Variants in CARD14 observed in about 807,000 individuals in gnomAD.
CARD14 encodes caspase recruitment domain-containing protein 14.
Under a neutral mutation model 111.5 loss-of-function variants are expected in CARD14, and 107 were observed. The ratio of observed to expected loss-of-function variants is 0.96; its 90% CI spans 0.82 to 1.13. The LOEUF is 1.13. Ranked by LOEUF, CARD14 falls within the 50% of genes most tolerant of loss-of-function variation. The pLI is 0.00. For missense variants in CARD14, 1,322 were observed against 1,362.3 expected, an observed-to-expected ratio of 0.97 and a Z score of 0.47; for synonymous variants, 617 against 579.6, an observed-to-expected ratio of 1.06 and a Z score of -0.93.
At chr17:80,205,302 C>T in intron 21 of CARD14, 97 bp downstream of exon 21, 1 of 1,219,882 alleles carries the variant, frequency 8.2e-7, no homozygotes, top group Non-Finnish European at 1.2e-6. Context: ...CTCCTCCTTC[C>T]CTCCCCCACC....
intron 2 of CARD14, among the ~76,000 whole-genome samples, chr17:80,177,267 C>T (rs1008972524): frequency 3.9e-5 from 6 of 151,906 alleles, no homozygotes; most frequent in Admixed American, 6.6e-5. Context: ...CTTGCTCTGT[C>T]GTCCAGGCTG....
intron 1 of CARD14, among the ~76,000 whole-genome samples, chr17:80,172,093 A>G (rs1189234249): frequency 6.6e-6 from 1 of 152,248 alleles, no homozygotes; most frequent in African/African-American, 2.4e-5. Context: ...ATAGTAAGAT[A>G]CTGGAGAGCG....
At position 80,181,551 on chromosome 17, in the gene CARD14, G is replaced by A. The variant is rs371643272; in HGVS notation, c.113G>A (p.Arg38His). Reference sequence around the variant, plus strand: ...ATCGTACGCTGCATCTGCCCCAGCCGCCTCACCCCCTACCTGCGCCAGGCC... The same window carrying A: ...ATCGTACGCTGCATCTGCCCCAGCCACCTCACCCCCTACCTGCGCCAGGCC... The part of the protein sequence containing the change: ...HRIVRCICPS[R>H]LTPYLRQAKV... The change falls in exon 5 of 24, where the codon CGC (arginine) becomes CAC (histidine). Residue 38 changes from arginine to histidine, a missense_variant. Arg to His is a conservative substitution (Grantham distance 29, BLOSUM62 0). Transcript: ENST00000648509. 13 of 1,573,038 alleles carry A rather than the reference G, an allele frequency of 8.3e-6. No homozygotes were observed. Among genetic ancestry groups the A allele is most frequent in the African/African-American group, 2.7e-5 (2 of 73,896 alleles).
intron 20 of CARD14, chr17:80,204,572 C>T (rs2041173070): frequency 6.9e-6 from 3 of 432,724 alleles, no homozygotes; most frequent in South Asian, 3.6e-5. Flanking sequence ...GGCAGTGAGC[C>T]GAGATGGTGC....
Position 80,193,948 on chromosome 17 carries a change from T to G in CARD14, c.1357-1243T>G, listed in dbSNP as rs114664907. ...GGTCAGGGAGGGAAGGGACCTCAGG[T>G]GCTCAGAACTGGCTCGCCAGAACAC... On this transcript the variant is annotated intron_variant, in intron 12 of 23. Transcript: ENST00000648509. Among the ~76,000 whole-genome samples the G allele has an allele frequency of 8.5e-3, 1,286 of 152,186 alleles. 18 individuals carry two copies. The highest frequency in any genetic ancestry group is 0.029 in the African/African-American group (1,203 of 41,484).
Position 80,182,439 on chromosome 17 carries a change from A to C in CARD14, c.212-214A>C, listed in dbSNP as rs1311825125. Among the ~76,000 whole-genome samples the C allele has an allele frequency of 6.6e-6, 1 of 152,182 alleles. No homozygotes were observed. Among genetic ancestry groups the C allele is most frequent in the Admixed American group, 6.5e-5 (1 of 15,282 alleles). On this transcript the variant is annotated intron_variant, in intron 5 of 23. Transcript: ENST00000648509. The surrounding 1 kb of genome is among the most constrained non-coding windows in gnomAD (Gnocchi z 4.7). ...ATACATGCCAGCTTTGCCCTTCTCGAGTCTGACTGAGGTCATGGGGGTAAA... is the reference window on the plus strand; with the variant it reads ...ATACATGCCAGCTTTGCCCTTCTCGCGTCTGACTGAGGTCATGGGGGTAAA...
rs1230559305 is a variant in CARD14 at position 80,191,338 on chromosome 17, G to A, written c.1105G>A (p.Asp369Asn). The A allele has an allele frequency of 1.2e-6, 2 of 1,613,506 alleles. No individual in the cohort carries two copies. The highest frequency in any genetic ancestry group is 8.5e-7 in the Non-Finnish European group (1 of 1,179,734). Residue 369 changes from aspartate (D) to asparagine (N), a missense_variant, in exon 11 of 24, where the codon GAC (aspartate) becomes AAC (asparagine). By Grantham distance (23) the Asp-to-Asn change is conservative. Coordinates refer to ENST00000648509, the MANE Select transcript of CARD14 (RefSeq NM_001366385.1). ...TGGCCCACAGGCGTACTCCGCGAGGGACAGTGCTCAGAGGGAGATTTCCCA... is the reference window on the plus strand; with the variant it reads ...TGGCCCACAGGCGTACTCCGCGAGGAACAGTGCTCAGAGGGAGATTTCCCA... ...KERDQAYSAR[D>N]SAQREISQSL... is the part of the protein sequence containing the mutation.
At position 80,201,601 on chromosome 17, in the gene CARD14, C is replaced by CT. The variant is rs1232474044; in HGVS notation, c.1852-140dup. The stretch of plus-strand genomic sequence containing the variant: ...GCCCCACAGAGGCTCTGGTGTGTGG[C>CT]TTTGTTTTGACCAAGGCGTGCAGGC... On this transcript the variant is annotated intron_variant, in intron 16 of 23. Transcript: ENST00000648509. The surrounding 1 kb of genome is among the most constrained non-coding windows in gnomAD (Gnocchi z 5.0). 2 of 809,878 alleles carry CT rather than the reference C, an allele frequency of 2.5e-6. No homozygotes were observed. The highest frequency in any genetic ancestry group is 3.4e-5 in the African/African-American group (2 of 59,640). 50.2% of individuals were successfully genotyped at this position (809,878 alleles called of 1,614,324 possible). A position where few individuals can be genotyped will look rare whatever the true frequency, so the allele number is the denominator to read the frequency against.
intron 12 of CARD14, among the ~76,000 whole-genome samples, chr17:80,194,714 G>T (rs2144307987): frequency 6.6e-6 from 1 of 152,256 alleles, no homozygotes; most frequent in South Asian, 2.1e-4. Context: ...CAGCAAAGGG[G>T]GAAGCCCTTT....
intron 16 of CARD14, among the ~76,000 whole-genome samples, chr17:80,200,229 ATTTTTTTTTT>A (rs373332962): frequency 5.4e-5 from 4 of 74,412 alleles, no homozygotes; most frequent in African/African-American, 1.1e-4. Flanking sequence ...TTTACATGTC[ATTTTTTTTTT>A]TTTTTTTTTT....
intron 16 of CARD14, among the ~76,000 whole-genome samples, chr17:80,199,574 A>AAAG (rs2040860771): frequency 6.7e-6 from 1 of 149,762 alleles, no homozygotes. Flanking sequence ...AAAAAAAAAA[A>AAAG]AAAAAAAGAA....
intron 1 of CARD14, among the ~76,000 whole-genome samples, chr17:80,171,568 C>CAATT (rs1400495865): frequency 1.3e-5 from 2 of 152,172 alleles, no homozygotes; most frequent in African/African-American, 4.8e-5. Context: ...GAAACTCCTG[C>CAATT]AATTGTTAAC....
rs746999591 is a variant in CARD14 at position 80,188,460 on chromosome 17, A to G, written c.759A>G (p.Thr253=). The change falls in exon 8 of 24, where the codon ACA becomes ACG. Residue 253 remains threonine (T), a synonymous_variant. Transcript: ENST00000648509. The surrounding 1 kb of genome is among the most constrained non-coding windows in gnomAD (Gnocchi z 4.5). The part of the protein sequence containing the change: ...ELELQEQSLR[T]ASDQESGDEE... ...AATTGCAAGAGCAGTCCCTGAGGAC[A>G]GCCAGCGACCAGGAGTCCGGGGATG... The G allele has an allele frequency of 2.5e-6, 4 of 1,603,454 alleles. No homozygotes were observed. Among genetic ancestry groups the G allele is most frequent in the African/African-American group, 2.7e-5 (2 of 74,362 alleles).
intron 7 of CARD14, among the ~76,000 whole-genome samples, chr17:80,186,148 A>T (rs1413419277): frequency 6.6e-6 from 1 of 152,180 alleles, no homozygotes; most frequent in African/African-American, 2.4e-5. Flanking sequence ...GGGAGCTGTG[A>T]ATGACGACCG....
In CARD14 at chr17:80,208,118, C is replaced by T. The variant is rs545159633; in HGVS notation, c.2808-20C>T. ...CTTGCTCTCCCCTGAGCCCGCCCCC[C>T]CCAACTCTGGCCTGTGCAGGAAGGG... On this transcript the variant is annotated intron_variant, in intron 23 of 23. Transcript: ENST00000648509. 3.9e-5 allele frequency: 59 copies of T among 1,502,044 alleles called. No homozygotes were observed. Among genetic ancestry groups the T allele is most frequent in the East Asian group, 1.0e-4 (4 of 40,008 alleles). 93.0% of individuals were successfully genotyped at this position (1,502,044 alleles called of 1,614,324 possible).
chr17:80,208,468 C>T lies in CARD14; in HGVS notation c.*123C>T. ...CTTGGCACATGAGGCCGGCTCTCCC[C>T]ACTGGCTGGGGTCTAACCTTGAACC... On this transcript the variant is annotated 3_prime_UTR_variant, in exon 24 of 24. Coordinates refer to ENST00000648509, the MANE Select transcript of CARD14 (RefSeq NM_001366385.1). 3.3e-6 allele frequency: 3 copies of T among 919,222 alleles called. No homozygotes were observed. Among genetic ancestry groups the T allele is most frequent in the Middle Eastern group, 3.3e-4 (1 of 3,074 alleles). 56.9% of individuals were successfully genotyped at this position (919,222 alleles called of 1,614,324 possible).
chr17:80,186,609 C>T (rs192025851), intron 7 of CARD14, among the ~76,000 whole-genome samples: 22 of 152,176 alleles, frequency 1.4e-4, no homozygotes, highest in South Asian at 2.1e-4. Context: ...AGTGCAGTGG[C>T]GCCATCTCAG....
chr17:80,197,728 T>G (rs1389032071), intron 14 of CARD14, among the ~76,000 whole-genome samples: 6 of 152,212 alleles, frequency 3.9e-5, no homozygotes, highest in Non-Finnish European at 7.4e-5. Context: ...ATCCAGATTT[T>G]AGGTGAAACC....
chr17:80,196,547 A>C (rs2040719244), intron 14 of CARD14: 1 of 152,208 alleles, frequency 6.6e-6, no homozygotes, highest in African/African-American at 2.4e-5. Flanking sequence ...ATTGGCTTTG[A>C]ATGTGATCCC....
Sources: allele counts gnomAD v4.1 joint callset (sites outside exome capture counted in the v4.1 genomes callset), GRCh38; gene constraint gnomAD v4.1.1; non-coding constraint Gnocchi (gnomAD v3.1); transcripts MANE v1.5; gene names NCBI Gene and HGNC (gene_info 2026-07-23, HGNC 2026-07-21).